Variants in CLEC12A observed in about 807,000 individuals in gnomAD.
The protein encoded by CLEC12A is C-type lectin domain family 12 member A.
CLEC12A carries 22 observed loss-of-function variants against 26.5 expected under a neutral mutation model. The ratio of observed to expected loss-of-function variants is 0.83; its 90% CI spans 0.59 to 1.19. The LOEUF (loss-of-function observed/expected upper bound fraction) is 1.19, where lower values mean the gene tolerates loss of function less well. Among genes scored for constraint, CLEC12A ranks in the 50% most tolerant of loss-of-function variants. The pLI is 0.00. For missense variants in CLEC12A, 353 were observed against 315.6 expected, an observed-to-expected ratio of 1.12 and a Z score of -0.90; for synonymous variants, 119 against 101.9, an observed-to-expected ratio of 1.17 and a Z score of -1.01.
downstream of CLEC12A, among the ~76,000 whole-genome samples, chr12:9,990,357 G>A (rs74061448): frequency 0.028 from 4,332 of 152,274 alleles, 215 homozygotes; most frequent in African/African-American, 0.098. Context: ...GGAAGACAAA[G>A]TGTCAACATT....
At position 9,982,101 on chromosome 12, in the gene CLEC12A, G is replaced by C. The variant is rs1565562003; in HGVS notation, c.613G>C (p.Val205Leu). Residue 205 changes from valine (V) to leucine (L), a missense_variant, in exon 5 of 6, where the codon GTG becomes CTG. By Grantham distance (32) the Val-to-Leu change is conservative (BLOSUM62 1). Transcript: ENST00000304361. ...PEEDSTRGMR[V>L]DNIINSSAWV... ...AGAAGATTCCACTCGTGGTATGAGA[G>C]TGGATAATATAATCAACTCCTCTGC... 1 of 1,589,184 alleles carries C rather than the reference G, an allele frequency of 6.3e-7. No individual in the cohort carries two copies. Among genetic ancestry groups the C allele is most frequent in the Non-Finnish European group, 8.6e-7 (1 of 1,158,156 alleles).
chr12:9,962,450 T>C (rs1357648113), intron 1 of CLEC12A, among the ~76,000 whole-genome samples: 1 of 152,106 alleles, frequency 6.6e-6, no homozygotes, highest in African/African-American at 2.4e-5. Flanking sequence ...CTCACATCCG[T>C]GTGAAGAGAC....
Position 9,985,296 on chromosome 12 carries a change from G to T in CLEC12A, c.*270G>T. On this transcript the variant is annotated 3_prime_UTR_variant, in exon 6 of 6. Transcript: ENST00000304361. ...AAGTCCATTCAGATAGTTGTGGGGG[G>T]CCTTCGAATTTTCATTTTCATTTAC... 2.5e-6 allele frequency: 1 copy of T among 401,726 alleles called. No individual in the cohort carries two copies. 24.9% of individuals were successfully genotyped at this position (401,726 alleles called of 1,614,324 possible).
At chr12:9,967,944 C>T (rs900081103), upstream of CLEC12A, among the ~76,000 whole-genome samples, 6 of 152,130 alleles carry the variant, frequency 3.9e-5, no homozygotes, top group Admixed American at 1.3e-4. Flanking sequence ...TTCCCAATTC[C>T]GTGACTGGTG....
At chr12:9,957,425 T>A (rs533466255) in intron 1 of CLEC12A, among the ~76,000 whole-genome samples, 107 of 149,336 alleles carry the variant, frequency 7.2e-4, no homozygotes, top group African/African-American at 2.6e-3. Context: ...GAGACAGAGG[T>A]TGCAGTGAGC....
At chr12:9,973,307 A>T (rs2961543) in intron 1 of CLEC12A, among the ~76,000 whole-genome samples, 99,386 of 151,668 alleles carry the variant, frequency 0.66, 32,994 homozygotes, top group East Asian at 0.83. Flanking sequence ...TAAAAAAAAA[A>T]TTTTTTTAAT....
chr12:9,969,604 C>T (rs192089623), upstream of CLEC12A, among the ~76,000 whole-genome samples: 29 of 152,232 alleles, frequency 1.9e-4, no homozygotes, highest in Non-Finnish European at 4.0e-4. Context: ...TCGTCATATA[C>T]GCTTCATCTT....
At chr12:9,996,093 G>A (rs1865038887), downstream of CLEC12A, among the ~76,000 whole-genome samples, 1 of 152,112 alleles carries the variant, frequency 6.6e-6, no homozygotes, top group Non-Finnish European at 1.5e-5. Flanking sequence ...AATGACTTGA[G>A]CTTCTTGACA....
chr12:9,969,411 T>C (rs1328312646), upstream of CLEC12A, among the ~76,000 whole-genome samples: 1 of 152,178 alleles, frequency 6.6e-6, no homozygotes, highest in Non-Finnish European at 1.5e-5. Context: ...AAAACTGATA[T>C]AGGCTGTGAA....
downstream of CLEC12A, among the ~76,000 whole-genome samples, chr12:9,999,797 T>C (rs1865134142): frequency 6.6e-6 from 1 of 152,224 alleles, no homozygotes; most frequent in Non-Finnish European, 1.5e-5. Flanking sequence ...TGTTCTTTAG[T>C]AGTGTTTGTG....
chr12:9,959,713 C>T (rs944036021), intron 1 of CLEC12A, among the ~76,000 whole-genome samples: 1 of 152,128 alleles, frequency 6.6e-6, no homozygotes, highest in Non-Finnish European at 1.5e-5. Flanking sequence ...AATCAATGCT[C>T]CCTCTGGCAT....
chr12:9,995,077 G>A, exon 5 of CLEC12A: 1 of 1,602,310 alleles, frequency 6.2e-7, no homozygotes, highest in Non-Finnish European at 8.5e-7. Flanking sequence ...ACTGAGAGAA[G>A]AGGGAATCTC....
Position 9,982,005 on chromosome 12 carries a change from C to A in CLEC12A, c.532-15C>A. On this transcript the variant is annotated splice_polypyrimidine_tract_variant and intron_variant, in intron 4 of 5. Transcript: ENST00000304361. ...GGAGACTGTTTCTTAAACAGACTAT[C>A]TGTATTTCCTGTAGGAATTTATAAA... The A allele has an allele frequency of 8.1e-7, 1 of 1,229,802 alleles. No individual in the cohort carries two copies. Among genetic ancestry groups the A allele is most frequent in the Non-Finnish European group, 1.2e-6 (1 of 840,816 alleles). 76.2% of individuals were successfully genotyped at this position (1,229,802 alleles called of 1,614,324 possible). A position where few individuals can be genotyped will look rare whatever the true frequency, so the allele number is the denominator to read the frequency against.
chr12:9,960,336 TGAATCAG>T (rs1020570605), intron 1 of CLEC12A, among the ~76,000 whole-genome samples: 1 of 152,236 alleles, frequency 6.6e-6, no homozygotes, highest in Non-Finnish European at 1.5e-5. Flanking sequence ...TAAGATATAA[TGAATCAG>T]GAATACTTTT....
intron 1 of CLEC12A, among the ~76,000 whole-genome samples, chr12:9,965,340 G>A (rs1591815178): frequency 6.6e-6 from 1 of 152,140 alleles, no homozygotes; most frequent in South Asian, 2.1e-4. Context: ...TGATCAGCAG[G>A]GAGAGCACAT....
upstream of CLEC12A, among the ~76,000 whole-genome samples, chr12:9,967,997 C>G (rs534315214): frequency 1.3e-5 from 2 of 152,178 alleles, no homozygotes; most frequent in South Asian, 4.2e-4. Context: ...TCCTTCATCT[C>G]TGTCAGAAAA....
chr12:9,960,735 G>A (rs1863814340), intron 1 of CLEC12A, among the ~76,000 whole-genome samples: 1 of 152,172 alleles, frequency 6.6e-6, no homozygotes, highest in Admixed American at 6.5e-5. Flanking sequence ...AATGGACCCT[G>A]TCTGGTCTTA....
downstream of CLEC12A, chr12:9,997,017 C>T: frequency 6.2e-7 from 1 of 1,613,350 alleles, no homozygotes; most frequent in Non-Finnish European, 8.5e-7. Context: ...AAACCAAGCA[C>T]AGGAATGGTG....
intron 1 of CLEC12A, among the ~76,000 whole-genome samples, chr12:9,976,297 G>T (rs1350558658): frequency 6.6e-6 from 1 of 152,200 alleles, no homozygotes; most frequent in Non-Finnish European, 1.5e-5. Flanking sequence ...CATGAAAGCA[G>T]CCATGAGGGA....
Sources: gnomAD v4.1 joint callset for allele counts (sites outside exome capture counted in the v4.1 genomes callset) on GRCh38, gnomAD v4.1.1 for gene constraint, MANE v1.5 for transcripts, NCBI Gene and HGNC (gene_info 2026-07-23, HGNC 2026-07-21) for gene names.